Variants in WDPCP observed in about 807,000 individuals in gnomAD.
WDPCP encodes the protein WD repeat-containing and planar cell polarity effector protein fritz homolog.
WDPCP carries 71 observed loss-of-function variants against 93.1 expected under a neutral mutation model. That is an observed-to-expected ratio of 0.76 (90% CI 0.63 to 0.93). The LOEUF is 0.93. WDPCP is among the 40% of genes least tolerant of loss of function. The pLI is 0.00. For synonymous variants in WDPCP, 315 were observed against 315.0 expected, an observed-to-expected ratio of 1.00 and a Z score of 0.00; for missense variants, 844 against 887.4, an observed-to-expected ratio of 0.95 and a Z score of 0.62.
chr2:63,503,540 A>C (rs1026172853), intron 1 of WDPCP, among the ~76,000 whole-genome samples: 3 of 151,850 alleles, frequency 2.0e-5, no homozygotes, highest in African/African-American at 7.3e-5. Context: ...ACCTCCACTC[A>C]ACACAGATAC....
chr2:63,246,289 C>A (rs964747193), intron 14 of WDPCP, among the ~76,000 whole-genome samples: 1 of 152,092 alleles, frequency 6.6e-6, no homozygotes, highest in African/African-American at 2.4e-5. Flanking sequence ...CTTTCCTGGT[C>A]GGTTTCATAA....
chr2:63,618,791 A>G (rs368760805), intron 3 of WDPCP, among the ~76,000 whole-genome samples: 1 of 151,906 alleles, frequency 6.6e-6, no homozygotes, highest in African/African-American at 2.4e-5. Context: ...CCCAGGTTCA[A>G]GCAATTCTCC....
Position 63,740,788 on chromosome 2 carries a change from G to A in WDPCP, n.308+72834C>T, listed in dbSNP as rs779201158. ...TTTAAGACCTCACTCTAGTCTTACT[G>A]TACAAGGTAATTTGTCCATTTGCTG... On this transcript the variant is annotated intron_variant and non_coding_transcript_variant, in intron 2 of 4. Transcript: ENST00000467687. Among the ~76,000 whole-genome samples, 28 of 152,236 alleles carry A rather than the reference G, an allele frequency of 1.8e-4. No homozygotes were observed. The Middle Eastern group carries it at 0.014, about 74-fold the overall frequency.
At chr2:63,722,599 G>A (rs1483788393) in intron 2 of WDPCP, among the ~76,000 whole-genome samples, 2 of 141,614 alleles carry the variant, frequency 1.4e-5, no homozygotes, top group African/African-American at 5.3e-5. Context: ...CGCCCCGTCC[G>A]GGAGGGAGGT....
chr2:63,595,465 G>A (rs758155465), intron 3 of WDPCP: 2 of 1,613,494 alleles, frequency 1.2e-6, no homozygotes, highest in African/African-American at 2.7e-5. Flanking sequence ...CATGATGGGT[G>A]TCCTGGACGG....
At chr2:63,147,063 T>G (rs1671565837) in intron 17 of WDPCP, among the ~76,000 whole-genome samples, 1 of 152,142 alleles carries the variant, frequency 6.6e-6, no homozygotes, top group South Asian at 2.1e-4. Context: ...ATATAATAAG[T>G]ATTAGGGATG....
chr2:63,648,646 C>A (rs992270023), intron 3 of WDPCP, among the ~76,000 whole-genome samples: 1 of 152,074 alleles, frequency 6.6e-6, no homozygotes, highest in African/African-American at 2.4e-5. Flanking sequence ...TTGTGTCTGG[C>A]TTTTTTCATT....
At chr2:63,169,004 C>A (rs1673195833) in intron 15 of WDPCP, among the ~76,000 whole-genome samples, 1 of 152,068 alleles carries the variant, frequency 6.6e-6, no homozygotes, top group Non-Finnish European at 1.5e-5. Flanking sequence ...TCTTTTAACT[C>A]CCAACTATTG....
chr2:63,518,961 A>C (rs1214782854), intron 1 of WDPCP: 2 of 151,006 alleles, frequency 1.3e-5, no homozygotes, highest in Middle Eastern at 3.2e-3. Context: ...TTGCTGGTAC[A>C]TGTGCACCTG....
intron 6 of WDPCP, among the ~76,000 whole-genome samples, chr2:63,455,076 T>G (rs1698528434): frequency 6.6e-6 from 1 of 152,124 alleles, no homozygotes; most frequent in African/African-American, 2.4e-5. Context: ...AGTGAAAGAA[T>G]GATTAATTCC....
intron 14 of WDPCP, among the ~76,000 whole-genome samples, chr2:63,227,571 A>G (rs945403577): frequency 5.9e-5 from 9 of 152,048 alleles, no homozygotes; most frequent in African/African-American, 2.2e-4. Flanking sequence ...GGGAAATGGC[A>G]GTGGACTTAA....
chr2:63,139,650 C>T (rs1670912216), intron 17 of WDPCP, among the ~76,000 whole-genome samples: 1 of 152,124 alleles, frequency 6.6e-6, no homozygotes, highest in Admixed American at 6.5e-5. Context: ...GTCCTTAGCC[C>T]ACTTTTTTAT....
intron 1 of WDPCP, among the ~76,000 whole-genome samples, chr2:63,528,669 T>C (rs1703557808): frequency 6.6e-6 from 1 of 152,212 alleles, no homozygotes; most frequent in African/African-American, 2.4e-5. Flanking sequence ...GCTTTGTTCT[T>C]TTGGCTTAGG....
At chr2:63,668,369 A>G (rs969291920) in intron 2 of WDPCP, among the ~76,000 whole-genome samples, 17 of 152,216 alleles carry the variant, frequency 1.1e-4, no homozygotes, top group African/African-American at 4.1e-4. Context: ...ATTGTTTTAC[A>G]ATAACCAGCA....
At chr2:63,589,333 A>ACG, upstream of WDPCP, 1 of 1,550,656 alleles carries the variant, frequency 6.4e-7, no homozygotes. Flanking sequence ...ACAAAATGCG[A>ACG]CGCTGCAGCT....
At chr2:63,419,645 A>G (rs1363915682) in intron 9 of WDPCP, among the ~76,000 whole-genome samples, 1 of 152,214 alleles carries the variant, frequency 6.6e-6, no homozygotes, top group Non-Finnish European at 1.5e-5. Flanking sequence ...GATTGACGCC[A>G]ATCTCTGGAA....
chr2:63,507,987 T>C (rs1701988963), intron 1 of WDPCP, among the ~76,000 whole-genome samples: 2 of 152,062 alleles, frequency 1.3e-5, no homozygotes, highest in Admixed American at 1.3e-4. Context: ...ATGGGGAGAA[T>C]GGGAGCAAGT....
intron 1 of WDPCP, among the ~76,000 whole-genome samples, chr2:63,531,773 T>A (rs761046343): frequency 2.0e-5 from 3 of 152,144 alleles, no homozygotes; most frequent in Non-Finnish European, 2.9e-5. Context: ...GCAGAAAAGC[T>A]GAAAATTCTA....
chr2:63,328,951 C>T (rs529936482), intron 12 of WDPCP, among the ~76,000 whole-genome samples: 3 of 152,242 alleles, frequency 2.0e-5, no homozygotes, highest in African/African-American at 7.2e-5. Flanking sequence ...TGGTCTCGAA[C>T]TCCTGGGTCA....
Sources: allele counts gnomAD v4.1 joint callset (sites outside exome capture counted in the v4.1 genomes callset), GRCh38; gene constraint gnomAD v4.1.1; transcripts MANE v1.5; gene names NCBI Gene and HGNC (gene_info 2026-07-23, HGNC 2026-07-21).